The following RADIL variants were observed in gnomAD, a reference collection of about 807,000 sequenced individuals.
RADIL encodes the protein Rap associating with DIL domain, also known as ras-associating and dilute domain-containing protein.
RADIL carries 99 observed loss-of-function variants against 97.6 expected under a neutral mutation model. That is an observed-to-expected ratio of 1.01 (90% CI 0.86 to 1.20). RADIL has a LOEUF of 1.20. Ranked by LOEUF, RADIL falls within the 50% of genes most tolerant of loss-of-function variation. The pLI, the probability that RADIL is intolerant of heterozygous loss-of-function variation, is 0.00. For missense variants in RADIL, 1,765 were observed against 1,498.9 expected (o/e 1.18, Z -2.93); for synonymous variants, 803 against 691.8 (o/e 1.16, Z -2.52).
At chr7:4,823,468 C>G (rs568447974) in intron 5 of RADIL, among the ~76,000 whole-genome samples, 86 of 152,110 alleles carry the variant, frequency 5.7e-4, no homozygotes, top group African/African-American at 2.0e-3. Context: ...CCATGCCTAG[C>G]CCTGATTCTG....
chr7:4,864,432 C>T (rs1356684890), intron 2 of RADIL, among the ~76,000 whole-genome samples: 3 of 152,260 alleles, frequency 2.0e-5, no homozygotes, highest in Non-Finnish European at 4.4e-5. Context: ...TTAAATACCA[C>T]TTACTTACAG....
chr7:4,861,208 G>T, intron 2 of RADIL: 2 of 1,614,198 alleles, frequency 1.2e-6, no homozygotes, highest in African/African-American at 1.3e-5. Flanking sequence ...AACCATTAAG[G>T]CTTCTTATGC....
rs375006451 is a variant in RADIL at position 4,849,265 on chromosome 7, CG to C, written c.536-12661del. Among the ~76,000 whole-genome samples the C allele has an allele frequency of 1.5e-4, 23 of 152,118 alleles. No homozygotes were observed. The South Asian group carries it at 4.8e-3, about 32-fold the overall frequency. On this transcript the variant is annotated intron_variant, in intron 2 of 14. Coordinates refer to ENST00000399583, the MANE Select transcript of RADIL (RefSeq NM_018059.5). The surrounding 1 kb of genome is among the most constrained non-coding windows in gnomAD (Gnocchi z 5.4). ...AGAGAACTGCTGTTTTGCTTTTAAT[CG>C]GTAATGAGAAACTATTGCTTTAACT...
At position 4,834,383 on chromosome 7, in the gene RADIL, CA is replaced by C. The variant is rs892919972; in HGVS notation, c.1416+223del. ...TAGGACCCCACGCAAACCCCACCCT[CA>C]GGGGCAAAGGGCTGCAGCTGACACC... On this transcript the variant is annotated intron_variant, in intron 4 of 14. Transcript: ENST00000399583. The surrounding 1 kb of genome is among the most constrained non-coding windows in gnomAD (Gnocchi z 6.0). Among the ~76,000 whole-genome samples, 1 of 152,168 alleles carries C rather than the reference CA, an allele frequency of 6.6e-6. No homozygotes were observed. The highest frequency in any genetic ancestry group is 2.4e-5 in the African/African-American group (1 of 41,440).
rs1782819587 is a variant in RADIL at position 4,821,121 on chromosome 7, G to C, written c.1615+1273C>G. Among the ~76,000 whole-genome samples the C allele has an allele frequency of 6.6e-6, 1 of 152,170 alleles. No individual in the cohort carries two copies. Reference sequence around the variant, plus strand: ...TGGGAGCTCCTGTCCCTGCACACCGGGCCTGCGCCTCCCTCGAAGCTCAGA... The same window carrying C: ...TGGGAGCTCCTGTCCCTGCACACCGCGCCTGCGCCTCCCTCGAAGCTCAGA... On this transcript the variant is annotated intron_variant, in intron 6 of 14. Coordinates refer to ENST00000399583, the MANE Select transcript of RADIL (RefSeq NM_018059.5). This position sits in a 1 kb window ranked among gnomAD's most constrained non-coding sequence, Gnocchi z 5.2.
intron 5 of RADIL, among the ~76,000 whole-genome samples, chr7:4,829,511 A>T (rs1223421261): frequency 6.6e-6 from 1 of 152,194 alleles, no homozygotes; most frequent in Non-Finnish European, 1.5e-5. Context: ...GGACATCAGC[A>T]GGCACATATG....
At chr7:4,809,713 C>T (rs35787278) in intron 9 of RADIL, 25,838 of 865,180 alleles carry the variant, frequency 0.03, 432 homozygotes, top group Non-Finnish European at 0.032. Flanking sequence ...GACGGGGTTT[C>T]GCTCTGTCGC....
chr7:4,814,835 G>A lies in RADIL; in HGVS notation c.2139+443C>T, dbSNP rs1471539795. Among the ~76,000 whole-genome samples, 1 of 152,166 alleles carries A rather than the reference G, an allele frequency of 6.6e-6. No homozygotes were observed. The highest frequency in any genetic ancestry group is 1.5e-5 in the Non-Finnish European group (1 of 68,044). On this transcript the variant is annotated intron_variant, in intron 9 of 14. Transcript: ENST00000399583. This position sits in a 1 kb window ranked among gnomAD's most constrained non-coding sequence, Gnocchi z 4.5. Reference sequence around the variant, plus strand: ...CGTTTCCAGACTGGCTGTCAGCTGGGGTCACTCCAGCTTCTAGAGGCCACT... The same window carrying A: ...CGTTTCCAGACTGGCTGTCAGCTGGAGTCACTCCAGCTTCTAGAGGCCACT...
intron 12 of RADIL, 118 bp from the exon 13 acceptor site, chr7:4,800,428 CT>C: frequency 8.9e-7 from 1 of 1,117,956 alleles, no homozygotes; most frequent in Non-Finnish European, 1.2e-6. Flanking sequence ...CCTCCTGTGG[CT>C]CCCAGGAGAC....
Position 4,834,027 on chromosome 7 carries a change from C to G in RADIL, c.1416+580G>C, listed in dbSNP as rs1783222133. On this transcript the variant is annotated intron_variant, in intron 4 of 14. Transcript: ENST00000399583. This position sits in a 1 kb window ranked among gnomAD's most constrained non-coding sequence, Gnocchi z 6.0. ...CAGGCCAGCCTCACAGCAAGGAGCT[C>G]TCCTGCCACAGTGTCCACAGGGCCG... is the stretch of plus-strand genomic sequence containing the variant. Among the ~76,000 whole-genome samples the G allele has an allele frequency of 6.6e-6, 1 of 152,146 alleles. No homozygotes were observed. The highest frequency in any genetic ancestry group is 6.5e-5 in the Admixed American group (1 of 15,278).
At position 4,818,900 on chromosome 7, in the gene RADIL, C is replaced by G. The variant is rs1782751576; in HGVS notation, c.1616-1549G>C. On this transcript the variant is annotated intron_variant, in intron 6 of 14. Coordinates refer to ENST00000399583, the MANE Select transcript of RADIL (RefSeq NM_018059.5). The surrounding 1 kb of genome is among the most constrained non-coding windows in gnomAD (Gnocchi z 7.1). Reference sequence around the variant, plus strand: ...CAGCCTCCAGCCACCCACCACGGGCCTGAGACTCCATTTCTTCTTTTATTT... The same window carrying G: ...CAGCCTCCAGCCACCCACCACGGGCGTGAGACTCCATTTCTTCTTTTATTT... Among the ~76,000 whole-genome samples, 2 of 152,154 alleles carry G rather than the reference C, an allele frequency of 1.3e-5. No homozygotes were observed. The highest frequency in any genetic ancestry group is 1.3e-4 in the Admixed American group (2 of 15,288).
intron 11 of RADIL, among the ~76,000 whole-genome samples, chr7:4,802,424 C>T (rs1426939554): frequency 6.8e-6 from 1 of 146,494 alleles, no homozygotes. Flanking sequence ...CCCCGGGCAC[C>T]TCGGGGCACG....
chr7:4,838,524 GGCTCGC>G (rs1562445010), intron 2 of RADIL, among the ~76,000 whole-genome samples: 5 of 152,134 alleles, frequency 3.3e-5, no homozygotes, highest in Admixed American at 6.5e-5. Context: ...CCAGGCAAGT[GGCTCGC>G]AGCTGAGTGT....
In RADIL at chr7:4,835,428, C is replaced by T. The variant is rs1205959373; in HGVS notation, c.784-189G>A. Among the ~76,000 whole-genome samples, 2 of 152,200 alleles carry T rather than the reference C, an allele frequency of 1.3e-5. No homozygotes were observed. The highest frequency in any genetic ancestry group is 2.9e-5 in the Non-Finnish European group (2 of 68,036). On this transcript the variant is annotated intron_variant, in intron 3 of 14. Coordinates refer to ENST00000399583, the MANE Select transcript of RADIL (RefSeq NM_018059.5). The surrounding 1 kb of genome is among the most constrained non-coding windows in gnomAD (Gnocchi z 5.8). ...GAACCCGCCCCTCGATGTCCGGGCCCATCCCAGAGGAGGTCGGTTTCCCGG... is the reference window on the plus strand; with the variant it reads ...GAACCCGCCCCTCGATGTCCGGGCCTATCCCAGAGGAGGTCGGTTTCCCGG...
rs914917648 is a variant in RADIL, at chr7:4,821,077, G to A, written c.1615+1317C>T. Among the ~76,000 whole-genome samples, 5 of 152,190 alleles carry A rather than the reference G, an allele frequency of 3.3e-5. No individual in the cohort carries two copies. The highest frequency in any genetic ancestry group is 2.1e-4 in the South Asian group (1 of 4,828). ...GCTGAGTACACAGAGACCCCGCAGCGTCTGGTAGACTGAGCCTGTGGGAGC... is the reference window on the plus strand; with the variant it reads ...GCTGAGTACACAGAGACCCCGCAGCATCTGGTAGACTGAGCCTGTGGGAGC... On this transcript the variant is annotated intron_variant, in intron 6 of 14. Coordinates refer to ENST00000399583, the MANE Select transcript of RADIL (RefSeq NM_018059.5). The surrounding 1 kb of genome is among the most constrained non-coding windows in gnomAD (Gnocchi z 5.2).
intron 9 of RADIL, chr7:4,809,509 A>C: frequency 2.0e-6 from 2 of 985,176 alleles, no homozygotes; most frequent in Non-Finnish European, 2.4e-6. Flanking sequence ...CAAAACAAGA[A>C]CAAGAACGTG....
rs1783659028 is a variant in RADIL at position 4,849,561 on chromosome 7, G to A, written c.536-12956C>T. 6.6e-6 allele frequency among the ~76,000 whole-genome samples: 1 copy of A among 152,102 alleles called. No individual in the cohort carries two copies. Among genetic ancestry groups the A allele is most frequent in the Non-Finnish European group, 1.5e-5 (1 of 68,022 alleles). ...TTCTGAAACATTTCAGTTCATTCAG[G>A]ACCATCCAAGGCATGAACATGCCTT... On this transcript the variant is annotated intron_variant, in intron 2 of 14. Transcript: ENST00000399583. The surrounding 1 kb of genome is among the most constrained non-coding windows in gnomAD (Gnocchi z 5.4).
rs1013260581 is a variant in RADIL at position 4,835,728 on chromosome 7, G to T, written c.784-489C>A. Among the ~76,000 whole-genome samples the T allele has an allele frequency of 1.3e-5, 2 of 151,694 alleles. No individual in the cohort carries two copies. The highest frequency in any genetic ancestry group is 2.4e-5 in the African/African-American group (1 of 41,294). ...GCCCTATGGCTGTAAAGTGCTCATG[G>T]AAATGAGCAGCAAAGGAGCTGGCTG... is the stretch of plus-strand genomic sequence containing the variant. On this transcript the variant is annotated intron_variant, in intron 3 of 14. Transcript: ENST00000399583. The surrounding 1 kb of genome is among the most constrained non-coding windows in gnomAD (Gnocchi z 5.8).
Position 4,816,405 on chromosome 7 carries a change from C to T in RADIL, c.1789G>A (p.Glu597Lys). 6.2e-7 allele frequency: 1 copy of T among 1,609,106 alleles called. No homozygotes were observed. Among genetic ancestry groups the T allele is most frequent in the Non-Finnish European group, 8.5e-7 (1 of 1,178,668 alleles). The change falls in exon 8 of 15, where the codon GAG becomes AAG. Residue 597 changes from glutamate to lysine, a missense_variant. By Grantham distance (56) the Glu-to-Lys change is moderately conservative. Transcript: ENST00000399583. ...AGTTCGGGGGCCGAGGACCAGCTCT[C>T]ACGGCGCTCCGTCTGGAATGGCGGG... ...ECPPFQTERR[E>K]SWSSAPELPE...
Sources: gnomAD v4.1 joint callset for allele counts (sites outside exome capture counted in the v4.1 genomes callset) on GRCh38, gnomAD v4.1.1 for gene constraint, Gnocchi (gnomAD v3.1) non-coding constraint, MANE v1.5 for transcripts, NCBI Gene and HGNC (gene_info 2026-07-23, HGNC 2026-07-21) for gene names.